ALDH8A1: variants seen among roughly 807,000 people sequenced by gnomAD.
ALDH8A1 encodes the protein aldehyde dehydrogenase 8 family member A1.
A neutral mutation model predicts 43.3 loss-of-function variants in ALDH8A1; 39 were observed. The ratio of observed to expected loss-of-function variants is 0.90; its 90% CI spans 0.70 to 1.18. The LOEUF (loss-of-function observed/expected upper bound fraction) is 1.18, where lower values mean the gene tolerates loss of function less well. Among genes scored for constraint, ALDH8A1 ranks in the 50% most tolerant of loss-of-function variants. The pLI is 0.00. For synonymous variants in ALDH8A1, 233 were observed against 243.5 expected (o/e 0.96, Z 0.40); for missense variants, 605 against 622.6 (o/e 0.97, Z 0.30).
In ALDH8A1 at chr6:134,918,856, G is replaced by A. The variant is rs147929376; in HGVS notation, c.1023C>T (p.Tyr341=). The change falls in exon 7 of 7, where the codon TAC becomes TAT. Residue 341 remains tyrosine (Y), a synonymous_variant. Transcript: ENST00000265605. ...SKAHLEKVRS[Y]VKRALAEGAQ... Reference sequence around the variant, plus strand: ...CACCTTCAGCAAGAGCTCTCTTGACGTAACTTCTGACCTGCGTGGGTAAAA... The same window carrying A: ...CACCTTCAGCAAGAGCTCTCTTGACATAACTTCTGACCTGCGTGGGTAAAA... The A allele has an allele frequency of 3.9e-5, 63 of 1,613,802 alleles. No individual in the cohort carries two copies. In the Middle Eastern group the frequency reaches 6.6e-4, roughly 17 times the overall value.
At chr6:134,924,794 C>T (rs1003613687) in intron 6 of ALDH8A1, among the ~76,000 whole-genome samples, 1 of 152,084 alleles carries the variant, frequency 6.6e-6, no homozygotes, top group African/African-American at 2.4e-5. Flanking sequence ...ATATTTTATG[C>T]TGAAATATTC....
chr6:134,918,860 C>T lies in ALDH8A1; in HGVS notation c.1019G>A (p.Ser340Asn), dbSNP rs756650191. Reference sequence around the variant, plus strand: ...TTCAGCAAGAGCTCTCTTGACGTAACTTCTGACCTGCGTGGGTAAAAATCA... The same window carrying T: ...TTCAGCAAGAGCTCTCTTGACGTAATTTCTGACCTGCGTGGGTAAAAATCA... ...ISKAHLEKVR[S>N]YVKRALAEGA... The change falls in exon 7 of 7, where the codon AGT (serine) becomes AAT (asparagine). Residue 340 changes from serine to asparagine, a missense_variant. Transcript: ENST00000265605. The T allele has an allele frequency of 1.2e-6, 2 of 1,613,042 alleles. No homozygotes were observed. Among genetic ancestry groups the T allele is most frequent in the East Asian group, 2.2e-5 (1 of 44,860 alleles).
rs375695594 is a variant in ALDH8A1, at chr6:134,943,958, G to A, written c.147C>T (p.Ala49=). Reference sequence around the variant, plus strand: ...AGGCTTCTCTGGCGGCCTTGACCGCGGCTTCGATCTTTGAGGAGCAAATGG... The same window carrying A: ...AGGCTTCTCTGGCGGCCTTGACCGCAGCTTCGATCTTTGAGGAGCAAATGG... The part of the protein sequence containing the change: ...VPNSGKDEIE[A]AVKAAREAFP... The change falls in exon 2 of 7, where the codon GCC becomes GCT. Residue 49 remains alanine (A), a synonymous_variant. Coordinates refer to ENST00000265605, the MANE Select transcript of ALDH8A1 (RefSeq NM_022568.4). 579 of 1,613,748 alleles carry A rather than the reference G, an allele frequency of 3.6e-4. 1 individual carries two copies. Among genetic ancestry groups the A allele is most frequent in the Non-Finnish European group, 4.2e-4 (499 of 1,179,846 alleles).
chr6:134,943,391 G>A (rs1471028513), intron 2 of ALDH8A1, among the ~76,000 whole-genome samples: 1 of 151,908 alleles, frequency 6.6e-6, no homozygotes, highest in African/African-American at 2.4e-5. Context: ...AATGGTGACT[G>A]ACATATCAGA....
chr6:134,918,776 TG>T lies in ALDH8A1; in HGVS notation c.1102del (p.Gln368ArgfsTer10). On this transcript the variant is annotated frameshift_variant, in exon 7 of 7. Coordinates refer to ENST00000265605, the MANE Select transcript of ALDH8A1 (RefSeq NM_022568.4). LOFTEE classifies it high-confidence loss of function. Reference sequence around the variant, plus strand: ...CGTGGGAAGCATAAAGTAGCCTGCCTGGTTCCTGGCAGGGAGGCTCAACTTA... The same window carrying T: ...CGTGGGAAGCATAAAGTAGCCTGCCTGTTCCTGGCAGGGAGGCTCAACTTA... ...VDKLSLPARN[Q>X]AGYFMLPTVI... The T allele has an allele frequency of 1.2e-6, 2 of 1,614,250 alleles. No individual in the cohort carries two copies. The highest frequency in any genetic ancestry group is 1.7e-6 in the Non-Finnish European group (2 of 1,180,040).
In ALDH8A1 at chr6:134,929,087, T is replaced by C. The variant is rs374461989; in HGVS notation, c.978A>G (p.Ile326Met). ...VGIPSDPLVS[I>M]GALISKAHLE... ...AATGTGCTTTACTTATCAGAGCACC[T>C]ATGCTCACCAGTGGATCAGAGGGAA... The change falls in exon 6 of 7, where the codon ATA (isoleucine) becomes ATG (methionine). Residue 326 changes from isoleucine (I) to methionine (M), a missense_variant. By Grantham distance (10) the Ile-to-Met change is conservative (BLOSUM62 1). Transcript: ENST00000265605. The C allele has an allele frequency of 6.2e-7, 1 of 1,614,236 alleles. No homozygotes were observed. The highest frequency in any genetic ancestry group is 8.5e-7 in the Non-Finnish European group (1 of 1,180,036).
chr6:134,949,772 ATCT>A, intron 1 of ALDH8A1, 141 bp downstream of exon 1: 1 of 930,428 alleles, frequency 1.1e-6, no homozygotes, highest in Non-Finnish European at 1.5e-6. Context: ...TACAAGGTAC[ATCT>A]TCTGAGAACT....
At chr6:134,932,677 C>T in intron 5 of ALDH8A1, 99 bp downstream of exon 5, 1 of 1,500,304 alleles carries the variant, frequency 6.7e-7, no homozygotes, top group East Asian at 2.3e-5. Flanking sequence ...GGAAATGGCA[C>T]TGGATTGACT....
At chr6:134,943,732 T>C (rs542132097) in intron 2 of ALDH8A1, 87 bp downstream of exon 2, 2 of 1,524,272 alleles carry the variant, frequency 1.3e-6, no homozygotes, top group East Asian at 2.3e-5. Flanking sequence ...AGCAGGCACA[T>C]GGGCTGGCCT....
chr6:134,932,933 C>T lies in ALDH8A1; in HGVS notation c.692G>A (p.Gly231Glu). The change falls in exon 5 of 7, where the codon GGG becomes GAG. Residue 231 changes from glycine (G) to glutamate (E), a missense_variant. Gly to Glu is a moderately conservative substitution (Grantham distance 98). Transcript: ENST00000265605. ...HPEVPLISFT[G>E]SQPTAERITQ... ...GATCCGCTCAGCGGTGGGCTGGCTC[C>T]CGGTGAAGGAGATCAGGGGCACCTC... 1 of 1,614,064 alleles carries T rather than the reference C, an allele frequency of 6.2e-7. No individual in the cohort carries two copies. Among genetic ancestry groups the T allele is most frequent in the Non-Finnish European group, 8.5e-7 (1 of 1,180,004 alleles).
At chr6:134,936,529 G>A (rs1192545558) in intron 4 of ALDH8A1, among the ~76,000 whole-genome samples, 1 of 152,208 alleles carries the variant, frequency 6.6e-6, no homozygotes, top group Non-Finnish European at 1.5e-5. Flanking sequence ...GGGGTGTGGG[G>A]CAGGAGGGGG....
rs750250670 is a variant in ALDH8A1 at position 134,939,298 on chromosome 6, G to T, written c.560C>A (p.Ala187Glu). 2 of 1,614,140 alleles carry T rather than the reference G, an allele frequency of 1.2e-6. No homozygotes were observed. The highest frequency in any genetic ancestry group is 1.7e-5 in the Admixed American group (1 of 60,016). Reference protein sequence around the residue: ...AKPSELTSVTAWMLCKLLDKA... With the variant: ...AKPSELTSVTEWMLCKLLDKA... ...ATCCAGGAGTTTGCACAACATCCAC[G>T]CAGTCACTGAAGTCAGCTCACTGGG... is the stretch of plus-strand genomic sequence containing the variant. The change falls in exon 4 of 7, where the codon GCG becomes GAG. Residue 187 changes from alanine (A) to glutamate (E), a missense_variant. By Grantham distance (107) the Ala-to-Glu change is moderately radical. Coordinates refer to ENST00000265605, the MANE Select transcript of ALDH8A1 (RefSeq NM_022568.4).
chr6:134,933,561 T>A (rs569423319), intron 4 of ALDH8A1, among the ~76,000 whole-genome samples: 5 of 152,288 alleles, frequency 3.3e-5, no homozygotes, highest in African/African-American at 1.2e-4. Context: ...ATGTCCACCA[T>A]GCTTATAAAT....
intron 5 of ALDH8A1, among the ~76,000 whole-genome samples, chr6:134,930,271 C>T (rs564297133): frequency 1.3e-5 from 2 of 152,218 alleles, no homozygotes; most frequent in Non-Finnish European, 2.9e-5. Flanking sequence ...GGGAGGGAAA[C>T]GAGAGCTCTG....
chr6:134,940,897 T>C (rs1773841002), intron 3 of ALDH8A1, among the ~76,000 whole-genome samples: 1 of 152,254 alleles, frequency 6.6e-6, no homozygotes, highest in Non-Finnish European at 1.5e-5. Flanking sequence ...CTTTCCACAA[T>C]GCCTTGAAAA....
chr6:134,946,721 T>C (rs1311427932), intron 1 of ALDH8A1, among the ~76,000 whole-genome samples: 4 of 144,828 alleles, frequency 2.8e-5, no homozygotes, highest in African/African-American at 5.0e-5. Context: ...GACTCTAGTA[T>C]GTGCTTATAA....
intron 6 of ALDH8A1, 142 bp from the exon 7 acceptor site, chr6:134,919,009 C>T (rs1374533987): frequency 3.0e-6 from 3 of 996,596 alleles, no homozygotes; most frequent in Non-Finnish European, 2.9e-6. Flanking sequence ...TCTTATCACT[C>T]AGCTGCTAAG....
intron 6 of ALDH8A1, among the ~76,000 whole-genome samples, chr6:134,927,516 T>A (rs560683636): frequency 6.6e-6 from 1 of 151,962 alleles, no homozygotes; most frequent in Non-Finnish European, 1.5e-5. Flanking sequence ...CACGCGTGCA[T>A]GCACACACAC....
intron 6 of ALDH8A1, among the ~76,000 whole-genome samples, chr6:134,923,166 A>G (rs1396232778): frequency 6.6e-6 from 1 of 152,118 alleles, no homozygotes; most frequent in Non-Finnish European, 1.5e-5. Context: ...AGCTGGGACT[A>G]CAGGCACGCA....
Sources: allele counts gnomAD v4.1 joint callset (sites outside exome capture counted in the v4.1 genomes callset), GRCh38; gene constraint gnomAD v4.1.1; transcripts MANE v1.5; gene names NCBI Gene and HGNC (gene_info 2026-07-23, HGNC 2026-07-21).